Variants in ADK observed in about 807,000 individuals in gnomAD.
ADK encodes the protein N6,N6-dimethyladenosine kinase.
Under a neutral mutation model 44.7 loss-of-function variants are expected in ADK, and 24 were observed. The ratio of observed to expected loss-of-function variants is 0.54; its 90% CI spans 0.39 to 0.76. ADK has a LOEUF of 0.76. Ranked by LOEUF, ADK falls within the 30% of genes least tolerant of loss-of-function variation. The pLI, the probability that ADK is intolerant of heterozygous loss-of-function variation, is 0.00. For missense variants in ADK, 321 were observed against 425.1 expected, an observed-to-expected ratio of 0.76 and a Z score of 2.15; for synonymous variants, 128 against 142.6, an observed-to-expected ratio of 0.90 and a Z score of 0.73.
intron 2 of ADK, among the ~76,000 whole-genome samples, chr10:74,216,822 G>A (rs1295780674): frequency 2.6e-5 from 4 of 152,212 alleles, no homozygotes; most frequent in Admixed American, 1.3e-4. Context: ...ATAGAATAGT[G>A]TATAGTTTCA....
At chr10:74,573,722 C>A (rs1407487099) in intron 7 of ADK, among the ~76,000 whole-genome samples, 1 of 152,188 alleles carries the variant, frequency 6.6e-6, no homozygotes, top group Non-Finnish European at 1.5e-5. Flanking sequence ...GGGCGCCCCT[C>A]CCCCAGCCTC....
At chr10:74,678,615 G>A (rs1307504650) in intron 10 of ADK, among the ~76,000 whole-genome samples, 1 of 152,192 alleles carries the variant, frequency 6.6e-6, no homozygotes, top group African/African-American at 2.4e-5. Context: ...TAGGCTATCA[G>A]ACTCCAAAGC....
At chr10:74,154,627 A>G (rs1284683759) in intron 1 of ADK, among the ~76,000 whole-genome samples, 2 of 152,062 alleles carry the variant, frequency 1.3e-5, no homozygotes, top group Non-Finnish European at 2.9e-5. Flanking sequence ...ACTTTCTGAC[A>G]TTTCGAAGTC....
chr10:74,399,740 A>G (rs1843645584), intron 6 of ADK, among the ~76,000 whole-genome samples: 1 of 151,980 alleles, frequency 6.6e-6, no homozygotes, highest in South Asian at 2.1e-4. Context: ...ATTTCAAACC[A>G]TCTTACACTT....
At chr10:74,246,166 G>A (rs534183734) in intron 3 of ADK, among the ~76,000 whole-genome samples, 10 of 152,238 alleles carry the variant, frequency 6.6e-5, no homozygotes, top group Non-Finnish European at 1.3e-4. Flanking sequence ...TTCTGTGAGG[G>A]CAGAACTATA....
intron 1 of ADK, among the ~76,000 whole-genome samples, chr10:74,158,062 A>G (rs1841802275): frequency 6.6e-6 from 1 of 152,220 alleles, no homozygotes. Flanking sequence ...AAACAAAAAT[A>G]TAAACTAAAA....
At chr10:74,387,500 A>T (rs1374080061) in intron 4 of ADK, among the ~76,000 whole-genome samples, 2 of 152,196 alleles carry the variant, frequency 1.3e-5, no homozygotes, top group African/African-American at 4.8e-5. Flanking sequence ...TAAAATTTCT[A>T]ACATAGGAAA....
At chr10:74,367,500 TA>T (rs1842532208) in intron 4 of ADK, among the ~76,000 whole-genome samples, 1 of 152,220 alleles carries the variant, frequency 6.6e-6, no homozygotes. Context: ...AAAATGTTGA[TA>T]AAGGCCATGG....
intron 3 of ADK, among the ~76,000 whole-genome samples, chr10:74,279,616 G>A (rs1026688102): frequency 6.6e-6 from 1 of 151,274 alleles, no homozygotes; most frequent in African/African-American, 2.4e-5. Context: ...TTTACCCAGA[G>A]CCTCACCAAC....
intron 4 of ADK, among the ~76,000 whole-genome samples, chr10:74,385,655 T>C (rs1313508325): frequency 6.6e-6 from 1 of 152,222 alleles, no homozygotes; most frequent in East Asian, 1.9e-4. Context: ...CAGGGCACTG[T>C]TGTCATCGTC....
intron 7 of ADK, among the ~76,000 whole-genome samples, chr10:74,585,028 T>C (rs1401950376): frequency 6.6e-6 from 1 of 152,228 alleles, no homozygotes; most frequent in Non-Finnish European, 1.5e-5. Flanking sequence ...TACGCAAACA[T>C]GCACTTGAGT....
intron 9 of ADK, among the ~76,000 whole-genome samples, chr10:74,644,296 T>A (rs1853981998): frequency 6.6e-6 from 1 of 152,182 alleles, no homozygotes; most frequent in South Asian, 2.1e-4. Flanking sequence ...ATTAATCAGA[T>A]AGGAAGTACA....
At chr10:74,507,079 G>A (rs1303754645) in intron 6 of ADK, among the ~76,000 whole-genome samples, 1 of 151,964 alleles carries the variant, frequency 6.6e-6, no homozygotes, top group Non-Finnish European at 1.5e-5. Context: ...TCTTAACTGA[G>A]TATTAAATTC....
chr10:74,603,646 C>T (rs1852220576), intron 9 of ADK, among the ~76,000 whole-genome samples: 1 of 152,138 alleles, frequency 6.6e-6, no homozygotes, highest in African/African-American at 2.4e-5. Flanking sequence ...TTTTCTTTAG[C>T]CAGTCTATCA....
chr10:74,649,483 G>C (rs1198006923), intron 9 of ADK, among the ~76,000 whole-genome samples: 1 of 151,964 alleles, frequency 6.6e-6, no homozygotes, highest in Non-Finnish European at 1.5e-5. Flanking sequence ...CAATTAGCCA[G>C]GTATGATGGC....
intron 3 of ADK, among the ~76,000 whole-genome samples, chr10:74,283,847 A>C (rs1288876420): frequency 1.3e-5 from 2 of 150,354 alleles, no homozygotes; most frequent in East Asian, 3.9e-4. Flanking sequence ...CGCCTGGCTA[A>C]TTTTTTGTAT....
At chr10:74,164,948 T>TA (rs1249400943) in intron 1 of ADK, among the ~76,000 whole-genome samples, 1 of 152,218 alleles carries the variant, frequency 6.6e-6, no homozygotes, top group Non-Finnish European at 1.5e-5. Context: ...TTTACTCTCA[T>TA]AAAACAGGTT....
At chr10:74,209,783 A>G (rs1391698552) in intron 2 of ADK, among the ~76,000 whole-genome samples, 1 of 152,172 alleles carries the variant, frequency 6.6e-6, no homozygotes, top group Non-Finnish European at 1.5e-5. Flanking sequence ...ATTGAAAAGA[A>G]TCTTTTCTAG....
intron 6 of ADK, among the ~76,000 whole-genome samples, chr10:74,482,630 C>T (rs1847115295): frequency 6.6e-6 from 1 of 152,192 alleles, no homozygotes; most frequent in Admixed American, 6.5e-5. Flanking sequence ...TCTTCCACCT[C>T]TGAGCCTGTA....
Sources: allele counts gnomAD v4.1 joint callset (sites outside exome capture counted in the v4.1 genomes callset), GRCh38; gene constraint gnomAD v4.1.1; transcripts MANE v1.5; gene names NCBI Gene and HGNC (gene_info 2026-07-23, HGNC 2026-07-21).